PCBP4: variants seen among roughly 807,000 people sequenced by gnomAD.
The protein encoded by PCBP4 is poly(rC)-binding protein 4.
A neutral mutation model predicts 46.2 loss-of-function variants in PCBP4; 24 were observed. The observed-to-expected ratio is 0.52, with a 90% CI of 0.38 to 0.73. PCBP4 has a LOEUF of 0.73. Ranked by LOEUF, PCBP4 falls within the 30% of genes least tolerant of loss-of-function variation. The probability of loss-of-function intolerance (pLI) is 0.00; values close to 1 mark genes in which losing one functional copy is unlikely to be tolerated. For missense variants in PCBP4, 407 were observed against 537.0 expected, an observed-to-expected ratio of 0.76 and a Z score of 2.39; for synonymous variants, 203 against 224.4, an observed-to-expected ratio of 0.90 and a Z score of 0.85.
At chr3:51,962,142 C>CCT (rs1700210650) in intron 1 of PCBP4, 54 bp from the exon 2 acceptor site, 1 of 152,146 alleles carries the variant, frequency 6.6e-6, no homozygotes, top group Non-Finnish European at 1.5e-5. Flanking sequence ...CAGCCTGGAA[C>CCT]ACTTTCTACT....
intron 1 of PCBP4, among the ~76,000 whole-genome samples, chr3:51,964,499 T>C (rs933271720): frequency 2.0e-5 from 3 of 151,986 alleles, no homozygotes; most frequent in Non-Finnish European, 4.4e-5. Flanking sequence ...TGGGCTTCAC[T>C]CTCCATCTCA....
chr3:51,962,139 GAA>G (rs1700210508), intron 1 of PCBP4, 51 bp from the exon 2 acceptor site: 1 of 152,080 alleles, frequency 6.6e-6, no homozygotes, highest in Non-Finnish European at 1.5e-5. Context: ...TCCCAGCCTG[GAA>G]CACTTTCTAC....
In PCBP4 at chr3:51,958,444, AAG is replaced by A; in HGVS notation, c.924-97_924-96del. On this transcript the variant is annotated intron_variant, in intron 13 of 13. Coordinates refer to ENST00000461554, the MANE Select transcript of PCBP4 (RefSeq NM_001174100.2). The surrounding 1 kb of genome is among the most constrained non-coding windows in gnomAD (Gnocchi z 5.4). ...ATGGGCATGAGATTAGATGAAAGGC[AAG>A]AGAGAGGTAGTGAACAGAGAACAAT... 1.2e-6 allele frequency: 1 copy of A among 846,098 alleles called. No homozygotes were observed. Among genetic ancestry groups the A allele is most frequent in the Non-Finnish European group, 1.8e-6 (1 of 571,258 alleles). 52.4% of individuals were successfully genotyped at this position (846,098 alleles called of 1,614,324 possible).
chr3:51,965,341 C>G (rs1700370686), intron 1 of PCBP4, among the ~76,000 whole-genome samples: 1 of 152,236 alleles, frequency 6.6e-6, no homozygotes, highest in South Asian at 2.1e-4. Flanking sequence ...CTTAGCACCT[C>G]CAGCCCTTCG....
In PCBP4 at chr3:51,960,153, C is replaced by T. The variant is rs1700077975; in HGVS notation, c.387+36G>A. ...CCCCTCTTACAACTGCTCCCTTGCC[C>T]CGGATTCCCTGTGGGTGGTATATCT... is the stretch of plus-strand genomic sequence containing the variant. On this transcript the variant is annotated intron_variant, in intron 7 of 13. Transcript: ENST00000461554. The surrounding 1 kb of genome is among the most constrained non-coding windows in gnomAD (Gnocchi z 5.0). 6.2e-7 allele frequency: 1 copy of T among 1,613,996 alleles called. No individual in the cohort carries two copies.
rs1297890187 is a variant in PCBP4 at position 51,959,684 on chromosome 3, C to T, written c.517-33G>A. 5 of 1,540,512 alleles carry T rather than the reference C, an allele frequency of 3.2e-6. No individual in the cohort carries two copies. In the South Asian group the frequency reaches 3.6e-5, roughly 11 times the overall value. ...GCATAAACAGGGCTCTGTCAGGACC[C>T]TCTCAGGCTCCGATAACCTCCCCAG... On this transcript the variant is annotated intron_variant, in intron 8 of 13. Transcript: ENST00000461554. This position sits in a 1 kb window ranked among gnomAD's most constrained non-coding sequence, Gnocchi z 5.6.
In PCBP4 at chr3:51,960,137, C is replaced by T. The variant is rs770704390; in HGVS notation, c.387+52G>A. Reference sequence around the variant, plus strand: ...CGCCATAAGCCCAACACCCCTCTTACAACTGCTCCCTTGCCCCGGATTCCC... The same window carrying T: ...CGCCATAAGCCCAACACCCCTCTTATAACTGCTCCCTTGCCCCGGATTCCC... On this transcript the variant is annotated intron_variant, in intron 7 of 13. Coordinates refer to ENST00000461554, the MANE Select transcript of PCBP4 (RefSeq NM_001174100.2). This position sits in a 1 kb window ranked among gnomAD's most constrained non-coding sequence, Gnocchi z 5.0. 4 of 1,614,056 alleles carry T rather than the reference C, an allele frequency of 2.5e-6. No individual in the cohort carries two copies. Among genetic ancestry groups the T allele is most frequent in the Non-Finnish European group, 3.4e-6 (4 of 1,180,020 alleles).
rs1404598146 is a variant in PCBP4, at chr3:51,959,518, C to G, written c.591+59G>C. The G allele has an allele frequency of 3.9e-6, 6 of 1,530,564 alleles. No homozygotes were observed. The East Asian group carries it at 1.2e-4, about 31-fold the overall frequency. The allele number at this position is 1,530,564 out of a possible 1,614,324, so 94.8% of individuals were successfully genotyped here. On this transcript the variant is annotated intron_variant, in intron 9 of 13. Transcript: ENST00000461554. This position sits in a 1 kb window ranked among gnomAD's most constrained non-coding sequence, Gnocchi z 5.6. ...CTCCAATTCCTTCTTCCATCCCCTC[C>G]TCTATCTCAATCCCCCTTCTCCAGT...
chr3:51,964,611 T>C (rs887350705), intron 1 of PCBP4, among the ~76,000 whole-genome samples: 27 of 152,248 alleles, frequency 1.8e-4, no homozygotes, highest in Non-Finnish European at 3.4e-4. Flanking sequence ...CCAGTGATGC[T>C]GGGGAATGGC....
In PCBP4 at chr3:51,961,184, C is replaced by T. The variant is rs747434308; in HGVS notation, c.57G>A (p.Thr19=). The T allele has an allele frequency of 5.6e-5, 91 of 1,613,470 alleles. No homozygotes were observed. The highest frequency in any genetic ancestry group is 1.6e-4 in the Middle Eastern group (1 of 6,070). The change falls in exon 3 of 14, where the codon ACG becomes ACA. Residue 19 remains threonine, a synonymous_variant. Coordinates refer to ENST00000461554, the MANE Select transcript of PCBP4 (RefSeq NM_001174100.2). The part of the protein sequence containing the change: ...EEEPELSITL[T]LRMLMHGKEV... Reference sequence around the variant, plus strand: ...CCTTCCCGTGCATCAGCATCCGCAGCGTGAGGGTGATGCTGAGCTCTGGCT... The same window carrying T: ...CCTTCCCGTGCATCAGCATCCGCAGTGTGAGGGTGATGCTGAGCTCTGGCT...
Position 51,958,316 on chromosome 3 carries a change from C to T in PCBP4, c.957G>A (p.Thr319=), listed in dbSNP as rs766186584. Residue 319 remains threonine, a synonymous_variant, in exon 14 of 14, where the codon ACG becomes ACA. Coordinates refer to ENST00000461554, the MANE Select transcript of PCBP4 (RefSeq NM_001174100.2). The surrounding 1 kb of genome is among the most constrained non-coding windows in gnomAD (Gnocchi z 5.4). Reference sequence around the variant, plus strand: ...GCAGGTCTGCGGGGGCCGAGCTGGGCGTCCCCCCAGAGGTAGACTTGGCCG... The same window carrying T: ...GCAGGTCTGCGGGGGCCGAGCTGGGTGTCCCCCCAGAGGTAGACTTGGCCG... ...LETAKSTSGG[T]PSSAPADLPA... The T allele has an allele frequency of 9.8e-6, 15 of 1,524,684 alleles. No homozygotes were observed. Among genetic ancestry groups the T allele is most frequent in the African/African-American group, 2.8e-5 (2 of 71,740 alleles). The allele number at this position is 1,524,684 out of a possible 1,614,324, so 94.4% of individuals were successfully genotyped here.
intron 2 of PCBP4, chr3:51,961,664 G>T: frequency 1.4e-6 from 1 of 724,074 alleles, no homozygotes; most frequent in Non-Finnish European, 1.7e-6. Flanking sequence ...ATGGGAGTCA[G>T]GAGGAGAGCC....
At chr3:51,961,673 C>A in intron 2 of PCBP4, 1 of 782,662 alleles carries the variant, frequency 1.3e-6, no homozygotes, top group Non-Finnish European at 1.6e-6. Context: ...AGGAGGAGAG[C>A]CTCCTCCCTG....
chr3:51,961,685 C>T, intron 2 of PCBP4: 1 of 925,766 alleles, frequency 1.1e-6, no homozygotes, highest in Non-Finnish European at 1.3e-6. Context: ...TCCTCCCTGA[C>T]CTCTTGGAAG....
At position 51,967,422 on chromosome 3, in the gene PCBP4, C is replaced by T; in HGVS notation, c.-309G>A. 1 of 150,746 alleles carries T rather than the reference C, an allele frequency of 6.6e-6. No homozygotes were observed. The highest frequency in any genetic ancestry group is 1.5e-5 in the Non-Finnish European group (1 of 67,484). 9.3% of individuals were successfully genotyped at this position (150,746 alleles called of 1,614,324 possible). On this transcript the variant is annotated 5_prime_UTR_variant, in exon 1 of 14. Transcript: ENST00000461554. ...CGGGAGAGGCGGCCGCTCACAACTGCGAGTGACATCAGCTGCGAACAATGA... is the reference window on the plus strand; with the variant it reads ...CGGGAGAGGCGGCCGCTCACAACTGTGAGTGACATCAGCTGCGAACAATGA...
intron 2 of PCBP4, chr3:51,961,510 C>G (rs1044122931): frequency 1.6e-6 from 1 of 607,922 alleles, no homozygotes; most frequent in African/African-American, 1.8e-5. Context: ...ACCCTCTGAG[C>G]CTCAGCTTCT....
chr3:51,960,757 TG>T lies in PCBP4; in HGVS notation c.138+108del. ...GGCAAGGCTCAAAACTGCCACCCTC[TG>T]GGGGACTCACTGGTCAGCCCAGAAG... is the stretch of plus-strand genomic sequence containing the variant. On this transcript the variant is annotated intron_variant, in intron 5 of 13. Transcript: ENST00000461554. The surrounding 1 kb of genome is among the most constrained non-coding windows in gnomAD (Gnocchi z 5.0). 6.8e-7 allele frequency: 1 copy of T among 1,479,166 alleles called. No individual in the cohort carries two copies. The highest frequency in any genetic ancestry group is 9.5e-7 in the Non-Finnish European group (1 of 1,057,606). 91.6% of individuals were successfully genotyped at this position (1,479,166 alleles called of 1,614,324 possible). A position where few individuals can be genotyped will look rare whatever the true frequency, so the allele number is the denominator to read the frequency against.
rs1559755475 is a variant in PCBP4, at chr3:51,958,662, A to G, written c.923+128T>C. The G allele has an allele frequency of 4.0e-6, 4 of 1,010,332 alleles. No homozygotes were observed. Among genetic ancestry groups the G allele is most frequent in the Middle Eastern group, 3.1e-4 (1 of 3,274 alleles). 62.6% of individuals were successfully genotyped at this position (1,010,332 alleles called of 1,614,324 possible). ...GGCAAAGACCATGGGGAATTGGAGT[A>G]GGGTTAGGAGAGGCAGAGGTCGGGC... On this transcript the variant is annotated intron_variant, in intron 13 of 13. Coordinates refer to ENST00000461554, the MANE Select transcript of PCBP4 (RefSeq NM_001174100.2). This position sits in a 1 kb window ranked among gnomAD's most constrained non-coding sequence, Gnocchi z 5.4.
At position 51,960,599 on chromosome 3, in the gene PCBP4, C is replaced by G; in HGVS notation, c.182G>C (p.Arg61Pro). 1 of 1,614,164 alleles carries G rather than the reference C, an allele frequency of 6.2e-7. No individual in the cohort carries two copies. Among genetic ancestry groups the G allele is most frequent in the Non-Finnish European group, 8.5e-7 (1 of 1,179,976 alleles). ...TGTAGACCCGGTGATGGTGGTGATG[C>G]GTTCAGGGCAGGAGCCCTCGGAGAT... ...ITISEGSCPERITTITGSTAA... is the reference protein window; with the variant it reads ...ITISEGSCPEPITTITGSTAA... Residue 61 changes from arginine (R) to proline (P), a missense_variant, in exon 6 of 14, where the codon CGC becomes CCC. Coordinates refer to ENST00000461554, the MANE Select transcript of PCBP4 (RefSeq NM_001174100.2). The surrounding 1 kb of genome is among the most constrained non-coding windows in gnomAD (Gnocchi z 5.0).
Sources: gnomAD v4.1 joint callset for allele counts (sites outside exome capture counted in the v4.1 genomes callset) on GRCh38, gnomAD v4.1.1 for gene constraint, Gnocchi (gnomAD v3.1) non-coding constraint, MANE v1.5 for transcripts, NCBI Gene and HGNC (gene_info 2026-07-23, HGNC 2026-07-21) for gene names.